Variants in LRFN1 observed in about 807,000 individuals in gnomAD.
LRFN1 encodes the protein leucine-rich repeat and fibronectin type III domain-containing protein 1.
A neutral mutation model predicts 31.8 loss-of-function variants in LRFN1; 20 were observed. That is an observed-to-expected ratio of 0.63 (90% CI 0.44 to 0.91). LRFN1 has a LOEUF of 0.91. LRFN1 is among the 40% of genes least tolerant of loss of function. The pLI, the probability that LRFN1 is intolerant of heterozygous loss-of-function variation, is 0.00. For missense variants in LRFN1, 912 were observed against 1,129.8 expected, an observed-to-expected ratio of 0.81 and a Z score of 2.76; for synonymous variants, 514 against 541.3, an observed-to-expected ratio of 0.95 and a Z score of 0.70.
chr19:39,313,011 T>TA (rs1453819331), intron 4 of LRFN1, among the ~76,000 whole-genome samples: 1 of 151,634 alleles, frequency 6.6e-6, no homozygotes, highest in Non-Finnish European at 1.5e-5. Context: ...GCAGAGAAGG[T>TA]AGAGACAGAC....
chr19:39,307,693 GC>G lies in LRFN1; in HGVS notation c.2255del (p.Gly752AlafsTer130). On this transcript the variant is annotated frameshift_variant, in exon 5 of 5. Coordinates refer to ENST00000248668, the MANE Select transcript of LRFN1 (RefSeq NM_020862.2). LOFTEE classifies it high-confidence loss of function. This position sits in a 1 kb window ranked among gnomAD's most constrained non-coding sequence, Gnocchi z 6.7. ...TGAAAGCCAGGCACGCCCTGGCGGA[GC>G]CCAGCCCCAGGTCTCCATCCTCCCC... is the stretch of plus-strand genomic sequence containing the variant. ...AAGEDGDLGL[G>X]SARACLAFTS... is the part of the protein sequence containing the mutation. 6.6e-7 allele frequency: 1 copy of G among 1,509,808 alleles called. No individual in the cohort carries two copies. Among genetic ancestry groups the G allele is most frequent in the Non-Finnish European group, 8.8e-7 (1 of 1,138,620 alleles). The allele number at this position is 1,509,808 out of a possible 1,614,324, so 93.5% of individuals were successfully genotyped here. A position where few individuals can be genotyped will look rare whatever the true frequency, so the allele number is the denominator to read the frequency against.
rs747511327 is a variant in LRFN1 at position 39,314,301 on chromosome 19, G to A, written c.1036C>T (p.Arg346Trp). 6.2e-7 allele frequency: 1 copy of A among 1,607,264 alleles called. No homozygotes were observed. The highest frequency in any genetic ancestry group is 8.5e-7 in the Non-Finnish European group (1 of 1,177,250). The part of the protein sequence containing the change: ...PDGRLLGNSS[R>W]TRVRGDGTLD... Reference sequence around the variant, plus strand: ...GTCCCGTCCCCCCGGACCCGGGTCCGGCTGGAGTTCCCCAGCAGCCGCCCA... The same window carrying A: ...GTCCCGTCCCCCCGGACCCGGGTCCAGCTGGAGTTCCCCAGCAGCCGCCCA... The change falls in exon 4 of 5, where the codon CGG becomes TGG. Residue 346 changes from arginine (R) to tryptophan (W), a missense_variant. Physicochemically the swap from Arg to Trp is moderately radical, Grantham distance 101. This residue lies in a region of LRFN1 where 401 missense variants were observed against 572.7 expected (regional missense o/e 0.70). Coordinates refer to ENST00000248668, the MANE Select transcript of LRFN1 (RefSeq NM_020862.2).
intron 2 of LRFN1, 143 bp downstream of exon 2, chr19:39,318,183 G>A (rs2075177533): frequency 6.6e-6 from 1 of 152,400 alleles, no homozygotes; most frequent in Admixed American, 6.5e-5. Flanking sequence ...TGGACAGAGT[G>A]GTGGGCAACT....
intron 1 of LRFN1, among the ~76,000 whole-genome samples, chr19:39,320,024 AC>A (rs2075183040): frequency 7.7e-6 from 1 of 130,208 alleles, no homozygotes; most frequent in Non-Finnish European, 1.6e-5. Flanking sequence ...TCGCCCCCCA[AC>A]CCCCACCTCA....
At position 39,314,338 on chromosome 19, in the gene LRFN1, C is replaced by G; in HGVS notation, c.999G>C (p.Trp333Cys). 1 of 1,598,566 alleles carries G rather than the reference C, an allele frequency of 6.3e-7. No homozygotes were observed. Among genetic ancestry groups the G allele is most frequent in the Non-Finnish European group, 8.5e-7 (1 of 1,173,238 alleles). The part of the protein sequence containing the change: ...AVGDPEPVVH[W>C]VAPDGRLLGN... ...CCAGCAGCCGCCCATCAGGTGCCAC[C>G]CAGTGCACCACCGGCTCGGGGTCAC... The change falls in exon 4 of 5, where the codon TGG becomes TGC. Residue 333 changes from tryptophan to cysteine, a missense_variant. Around this residue, in one of 2 missense-constraint regions of LRFN1, gnomAD observed 401 missense variants for 572.7 expected, o/e 0.70. Transcript: ENST00000248668.
At position 39,314,060 on chromosome 19, in the gene LRFN1, C is replaced by G; in HGVS notation, c.1277G>C (p.Arg426Pro). The G allele has an allele frequency of 6.2e-7, 1 of 1,612,114 alleles. No homozygotes were observed. Among genetic ancestry groups the G allele is most frequent in the Non-Finnish European group, 8.5e-7 (1 of 1,179,728 alleles). ...GGTGAGCTCGGCTGCCACGAGCCGA[C>G]GCTCAGCCGCAGAATCGTTGGCACC... Reference protein sequence around the residue: ...RPGANDSAAERRLVAAELTSN... With the variant: ...RPGANDSAAEPRLVAAELTSN... Residue 426 changes from arginine to proline, a missense_variant, in exon 4 of 5, where the codon CGT becomes CCT. Around this residue, in one of 2 missense-constraint regions of LRFN1, gnomAD observed 511 missense variants for 557.0 expected, o/e 0.92. Transcript: ENST00000248668.
chr19:39,316,832 G>T (rs967523039), intron 2 of LRFN1, among the ~76,000 whole-genome samples: 23 of 152,278 alleles, frequency 1.5e-4, no homozygotes, highest in African/African-American at 5.5e-4. Flanking sequence ...CAGGGTGGGC[G>T]GGGGGTGAAG....
At chr19:39,309,023 T>C (rs2075141220) in intron 4 of LRFN1, among the ~76,000 whole-genome samples, 1 of 152,188 alleles carries the variant, frequency 6.6e-6, no homozygotes, top group African/African-American at 2.4e-5. Context: ...GACACTAAGG[T>C]CAGCTCACAG....
In LRFN1 at chr19:39,315,469, A is replaced by T; in HGVS notation, c.-37-96T>A. Reference sequence around the variant, plus strand: ...CCTGGATCCCTCCCCTACCGCCTACAGCTGGGTTCCATAGGATGGTGAGAG... The same window carrying T: ...CCTGGATCCCTCCCCTACCGCCTACTGCTGGGTTCCATAGGATGGTGAGAG... On this transcript the variant is annotated intron_variant, in intron 3 of 4. Coordinates refer to ENST00000248668, the MANE Select transcript of LRFN1 (RefSeq NM_020862.2). The surrounding 1 kb of genome is among the most constrained non-coding windows in gnomAD (Gnocchi z 4.7). 1 of 800,118 alleles carries T rather than the reference A, an allele frequency of 1.2e-6. No homozygotes were observed. The highest frequency in any genetic ancestry group is 2.8e-5 in the East Asian group (1 of 36,232). The allele number at this position is 800,118 out of a possible 1,614,324, so 49.6% of individuals were successfully genotyped here.
chr19:39,320,633 G>C (rs947765211), intron 1 of LRFN1, among the ~76,000 whole-genome samples, 160 bp downstream of exon 1: 1 of 151,282 alleles, frequency 6.6e-6, no homozygotes, highest in Admixed American at 6.6e-5. Context: ...CACGGGCAGG[G>C]CGCCGCACAC....
intron 1 of LRFN1, among the ~76,000 whole-genome samples, chr19:39,320,342 A>ACACACACACAC (rs1568330512): frequency 1.3e-5 from 2 of 150,236 alleles, no homozygotes; most frequent in Non-Finnish European, 1.5e-5. Flanking sequence ...ACACACACAC[A>ACACACACACAC]AATGGACACC....
chr19:39,314,659 C>A lies in LRFN1; in HGVS notation c.678G>T (p.Pro226=), dbSNP rs756549866. The change falls in exon 4 of 5, where the codon CCG becomes CCT. Residue 226 remains proline, a synonymous_variant. Coordinates refer to ENST00000248668, the MANE Select transcript of LRFN1 (RefSeq NM_020862.2). ...GCGACCTCAGGAAGAGCCCGTCGGG[C>A]GGGAGTTTATGCAGGCGGTTGGAGG... The part of the protein sequence containing the change: ...DMTSNRLHKL[P]PDGLFLRSQG... 1.2e-6 allele frequency: 2 copies of A among 1,612,878 alleles called. No homozygotes were observed. The highest frequency in any genetic ancestry group is 1.7e-6 in the Non-Finnish European group (2 of 1,179,346).
intron 4 of LRFN1, 123 bp downstream of exon 4, chr19:39,313,808 G>C: frequency 1.2e-6 from 1 of 850,880 alleles, no homozygotes. Flanking sequence ...AAGGAGGGCG[G>C]GAACAGCTCT....
chr19:39,309,804 C>T (rs927333869), intron 4 of LRFN1, among the ~76,000 whole-genome samples: 1 of 152,202 alleles, frequency 6.6e-6, no homozygotes, highest in East Asian at 1.9e-4. Flanking sequence ...CAAGCACACA[C>T]CATATTCCTT....
chr19:39,307,620 G>T lies in LRFN1; in HGVS notation c.*13C>A. ...GTCTGCGGCACCCAGGCGTCCCGGCGCCCGCCCGCCGCTCACACGGTACTC... is the reference window on the plus strand; with the variant it reads ...GTCTGCGGCACCCAGGCGTCCCGGCTCCCGCCCGCCGCTCACACGGTACTC... On this transcript the variant is annotated 3_prime_UTR_variant, in exon 5 of 5. Coordinates refer to ENST00000248668, the MANE Select transcript of LRFN1 (RefSeq NM_020862.2). The surrounding 1 kb of genome is among the most constrained non-coding windows in gnomAD (Gnocchi z 6.7). 2 of 1,384,042 alleles carry T rather than the reference G, an allele frequency of 1.4e-6. No individual in the cohort carries two copies. The highest frequency in any genetic ancestry group is 1.9e-6 in the Non-Finnish European group (2 of 1,076,786). 85.7% of individuals were successfully genotyped at this position (1,384,042 alleles called of 1,614,324 possible).
At chr19:39,319,847 G>A (rs753813850) in intron 1 of LRFN1, among the ~76,000 whole-genome samples, 1 of 152,150 alleles carries the variant, frequency 6.6e-6, no homozygotes, top group Non-Finnish European at 1.5e-5. Flanking sequence ...AAACTCAAGA[G>A]GATTTGGGGG....
chr19:39,307,059 G>A lies in LRFN1; in HGVS notation c.*574C>T. 2.6e-6 allele frequency: 1 copy of A among 377,612 alleles called. No homozygotes were observed. The highest frequency in any genetic ancestry group is 2.1e-5 in the African/African-American group (1 of 48,128). 23.4% of individuals were successfully genotyped at this position (377,612 alleles called of 1,614,324 possible). ...GACAGAGAGAAAGGAGAGGCAAATA[G>A]GGAAAGACAGGCACTACAGAGAGAC... On this transcript the variant is annotated 3_prime_UTR_variant, in exon 5 of 5. Coordinates refer to ENST00000248668, the MANE Select transcript of LRFN1 (RefSeq NM_020862.2). This position sits in a 1 kb window ranked among gnomAD's most constrained non-coding sequence, Gnocchi z 6.7.
At position 39,314,601 on chromosome 19, in the gene LRFN1, T is replaced by C. The variant is rs773270831; in HGVS notation, c.736A>G (p.Thr246Ala). 1 of 1,610,250 alleles carries C rather than the reference T, an allele frequency of 6.2e-7. No individual in the cohort carries two copies. Among genetic ancestry groups the C allele is most frequent in the South Asian group, 1.1e-5 (1 of 90,712 alleles). ...AGGGGGTTGCCGCCGAAGCTGACGGTCAGCGGGGTGGGCGGCTTGGGCCCG... is the reference window on the plus strand; with the variant it reads ...AGGGGGTTGCCGCCGAAGCTGACGGCCAGCGGGGTGGGCGGCTTGGGCCCG... Reference protein sequence around the residue: ...GTGPKPPTPLTVSFGGNPLHC... With the variant: ...GTGPKPPTPLAVSFGGNPLHC... Residue 246 changes from threonine (T) to alanine (A), a missense_variant, in exon 4 of 5, where the codon ACC becomes GCC. By Grantham distance (58) the Thr-to-Ala change is moderately conservative. Around this residue, in one of 2 missense-constraint regions of LRFN1, gnomAD observed 401 missense variants for 572.7 expected, o/e 0.70. Coordinates refer to ENST00000248668, the MANE Select transcript of LRFN1 (RefSeq NM_020862.2).
chr19:39,308,533 CG>C lies in LRFN1; in HGVS notation c.1415del (p.Pro472ArgfsTer9). The C allele has an allele frequency of 8.0e-7, 1 of 1,257,138 alleles. No homozygotes were observed. Among genetic ancestry groups the C allele is most frequent in the Non-Finnish European group, 1.1e-6 (1 of 913,010 alleles). The allele number at this position is 1,257,138 out of a possible 1,614,324, so 77.9% of individuals were successfully genotyped here. On this transcript the variant is annotated frameshift_variant, in exon 5 of 5. Transcript: ENST00000248668. LOFTEE classifies it high-confidence loss of function. The surrounding 1 kb of genome is among the most constrained non-coding windows in gnomAD (Gnocchi z 6.2). Reference protein sequence around the residue: ...VDDSLVYRMIPSTSQTFLVND... With the variant: ...VDDSLVYRMIXSTSQTFLVND... ...TCACCAGGAAGGTCTGACTGGTGGACGGGATCATCCTGTAGGAGGGGGCGGG... is the reference window on the plus strand; with the variant it reads ...TCACCAGGAAGGTCTGACTGGTGGACGGATCATCCTGTAGGAGGGGGCGGG...
Sources: allele counts gnomAD v4.1 joint callset (sites outside exome capture counted in the v4.1 genomes callset), GRCh38; gene constraint gnomAD v4.1.1; regional missense constraint gnomAD v4.1.1; non-coding constraint Gnocchi (gnomAD v3.1); transcripts MANE v1.5; gene names NCBI Gene and HGNC (gene_info 2026-07-23, HGNC 2026-07-21).